Variants in NALF1 observed in about 807,000 individuals in gnomAD.
NALF1 encodes the protein NALCN channel auxiliary factor 1.
A neutral mutation model predicts 48.4 loss-of-function variants in NALF1; 3 were observed. That is an observed-to-expected ratio of 0.06 (90% confidence interval 0.03 to 0.16). The LOEUF (loss-of-function observed/expected upper bound fraction) is 0.16. Ranked by LOEUF, NALF1 falls within the 10% of genes least tolerant of loss-of-function variation. The probability of loss-of-function intolerance (pLI) is 1.00; values close to 1 mark genes in which losing one functional copy is unlikely to be tolerated. For missense variants in NALF1, 526 were observed against 571.5 expected (o/e 0.92, Z 0.81); for synonymous variants, 262 against 245.7 (o/e 1.07, Z -0.62).
chr13:107,489,652 C>T (rs1177766403), intron 1 of NALF1, among the ~76,000 whole-genome samples: 2 of 152,020 alleles, frequency 1.3e-5, no homozygotes, highest in Admixed American at 6.6e-5. Context: ...ATGTAAAGCA[C>T]AAAACTATAA....
chr13:107,328,046 G>A (rs987850059), intron 1 of NALF1, among the ~76,000 whole-genome samples: 3 of 151,680 alleles, frequency 2.0e-5, no homozygotes, highest in East Asian at 1.9e-4. Flanking sequence ...TCTGCCTCCC[G>A]AGTAGCTGGG....
chr13:107,786,527 T>C (rs963982333), intron 1 of NALF1, among the ~76,000 whole-genome samples: 1 of 150,104 alleles, frequency 6.7e-6, no homozygotes. Context: ...AGTCAGGAGT[T>C]TGAGACCAGC....
At chr13:107,349,319 A>T (rs11843371) in intron 1 of NALF1, among the ~76,000 whole-genome samples, 1 of 152,122 alleles carries the variant, frequency 6.6e-6, no homozygotes, top group South Asian at 2.1e-4. Context: ...CTTGTGTCTT[A>T]TCTCTGTGGC....
intron 1 of NALF1, among the ~76,000 whole-genome samples, chr13:107,756,092 G>C (rs1278762727): frequency 6.6e-6 from 1 of 152,134 alleles, no homozygotes; most frequent in African/African-American, 2.4e-5. Context: ...TTTTGTTTGT[G>C]TGACTCCTAC....
chr13:107,682,415 C>G (rs1881330646), intron 1 of NALF1, among the ~76,000 whole-genome samples: 1 of 152,090 alleles, frequency 6.6e-6, no homozygotes, highest in Admixed American at 6.5e-5. Context: ...GCAGCACTCT[C>G]CCCTCCTTCC....
At chr13:107,465,767 T>A (rs1884992037) in intron 1 of NALF1, among the ~76,000 whole-genome samples, 1 of 152,188 alleles carries the variant, frequency 6.6e-6, no homozygotes, top group South Asian at 2.1e-4. Flanking sequence ...CTGAAATCTG[T>A]GAGGTCAAAG....
At position 107,170,135 on chromosome 13, in the gene NALF1, C is replaced by T. The variant is rs2138761970; in HGVS notation, c.*362G>A. ...CTAGAAATATATAGAGAGATAGAGA[C>T]AGTGAAAAGACTTAGTTTACCTCTG... On this transcript the variant is annotated 3_prime_UTR_variant, in exon 3 of 3. Transcript: ENST00000375915. 5.0e-6 allele frequency: 1 copy of T among 198,682 alleles called. No individual in the cohort carries two copies. Among genetic ancestry groups the T allele is most frequent in the South Asian group, 1.1e-4 (1 of 9,244 alleles). 12.3% of individuals were successfully genotyped at this position (198,682 alleles called of 1,614,324 possible). A position where few individuals can be genotyped will look rare whatever the true frequency, so the allele number is the denominator to read the frequency against.
intron 1 of NALF1, among the ~76,000 whole-genome samples, chr13:107,439,741 C>T (rs543959279): frequency 7.9e-4 from 121 of 152,268 alleles, no homozygotes; most frequent in Non-Finnish European, 1.1e-3. Flanking sequence ...TTTCAGAGTA[C>T]GTGTCATGAT....
At chr13:107,493,089 T>C (rs1308756348) in intron 1 of NALF1, among the ~76,000 whole-genome samples, 1 of 152,176 alleles carries the variant, frequency 6.6e-6, no homozygotes, top group Non-Finnish European at 1.5e-5. Flanking sequence ...GATGGCTTTA[T>C]CTTCTCATGA....
At chr13:107,861,892 T>C (rs1247268317) in intron 1 of NALF1, among the ~76,000 whole-genome samples, 1 of 152,224 alleles carries the variant, frequency 6.6e-6, no homozygotes, top group African/African-American at 2.4e-5. Context: ...CTCAAACTAG[T>C]TGGGTAATGT....
chr13:107,628,188 T>C (rs937594706), intron 1 of NALF1, among the ~76,000 whole-genome samples: 2 of 152,046 alleles, frequency 1.3e-5, no homozygotes, highest in Non-Finnish European at 2.9e-5. Flanking sequence ...TAATGGACAG[T>C]TGACATCTTC....
chr13:107,368,320 C>CT (rs35618769), intron 1 of NALF1, among the ~76,000 whole-genome samples: 23,851 of 145,830 alleles, frequency 0.16, 2,105 homozygotes, highest in Non-Finnish European at 0.2. Flanking sequence ...CACATAAATA[C>CT]TTTTTTTTTT....
At position 107,570,771 on chromosome 13, in the gene NALF1, ATAT is replaced by A. The variant is rs1381452658; in HGVS notation, c.915+294908_915+294910del. ...ACAGAGGAAATATTGTGTAGCTTTA[ATAT>A]TAATAGACACTTGCAGTAAAATCAG... On this transcript the variant is annotated intron_variant, in intron 1 of 2. Transcript: ENST00000375915. 2.0e-5 allele frequency among the ~76,000 whole-genome samples: 3 copies of A among 152,070 alleles called. No homozygotes were observed. The East Asian group carries it at 5.8e-4, about 29-fold the overall frequency.
chr13:107,469,187 C>T (rs898200467), intron 1 of NALF1, among the ~76,000 whole-genome samples: 1 of 152,138 alleles, frequency 6.6e-6, no homozygotes, highest in Non-Finnish European at 1.5e-5. Context: ...TCCTATTCAA[C>T]AAGGTATTCT....
At chr13:107,746,468 A>C (rs573633242) in intron 1 of NALF1, among the ~76,000 whole-genome samples, 4 of 152,318 alleles carry the variant, frequency 2.6e-5, no homozygotes, top group Admixed American at 1.3e-4. Context: ...CCATTGCCAA[A>C]CGTGATTTTT....
At chr13:107,308,625 T>C (rs1881987535) in intron 1 of NALF1, among the ~76,000 whole-genome samples, 1 of 152,202 alleles carries the variant, frequency 6.6e-6, no homozygotes, top group African/African-American at 2.4e-5. Flanking sequence ...AGACTGTCTA[T>C]GTTTCTAAAA....
At chr13:107,557,700 G>C (rs1462510813) in intron 1 of NALF1, among the ~76,000 whole-genome samples, 1 of 152,122 alleles carries the variant, frequency 6.6e-6, no homozygotes, top group Non-Finnish European at 1.5e-5. Context: ...CTCAGACCCA[G>C]AAAGTTTCGG....
intron 1 of NALF1, among the ~76,000 whole-genome samples, chr13:107,521,327 T>C (rs569032815): frequency 6.6e-6 from 1 of 152,318 alleles, no homozygotes; most frequent in African/African-American, 2.4e-5. Context: ...CCAGTAACTT[T>C]ATACATATTC....
chr13:107,430,463 C>T (rs1187884293), intron 1 of NALF1, among the ~76,000 whole-genome samples: 1 of 152,076 alleles, frequency 6.6e-6, no homozygotes, highest in Admixed American at 6.6e-5. Context: ...CTCCACTCCA[C>T]AACAGTCCCT....
Sources: gnomAD v4.1 joint callset for allele counts (sites outside exome capture counted in the v4.1 genomes callset) on GRCh38, gnomAD v4.1.1 for gene constraint, MANE v1.5 for transcripts, NCBI Gene and HGNC (gene_info 2026-07-23, HGNC 2026-07-21) for gene names.